UQCRC2: variants seen among roughly 807,000 people sequenced by gnomAD.
UQCRC2 encodes cytochrome b-c1 complex subunit 2, mitochondrial.
A neutral mutation model predicts 55.6 loss-of-function variants in UQCRC2; 49 were observed. That is an observed-to-expected ratio of 0.88 (90% CI 0.70 to 1.12). The LOEUF (loss-of-function observed/expected upper bound fraction) is 1.12. Among genes scored for constraint, UQCRC2 ranks in the 50% most tolerant of loss-of-function variants. UQCRC2 has a pLI of 0.00. For synonymous variants in UQCRC2, 193 were observed against 192.0 expected, an observed-to-expected ratio of 1.01 and a Z score of -0.04; for missense variants, 506 against 547.8, an observed-to-expected ratio of 0.92 and a Z score of 0.76.
At chr16:21,955,858 T>A (rs1016567375) in intron 1 of UQCRC2, among the ~76,000 whole-genome samples, 10 of 152,122 alleles carry the variant, frequency 6.6e-5, no homozygotes, top group African/African-American at 1.9e-4. Context: ...GGAGTTTTGC[T>A]CTTGTTGCCC....
intron 4 of UQCRC2, among the ~76,000 whole-genome samples, chr16:21,961,764 G>A (rs932225966): frequency 4.7e-5 from 7 of 149,768 alleles, no homozygotes. Context: ...CGATTCTCCT[G>A]CCTCAGCCTC....
At chr16:21,978,507 T>A (rs1898638818) in intron 12 of UQCRC2, among the ~76,000 whole-genome samples, 1 of 152,218 alleles carries the variant, frequency 6.6e-6, no homozygotes, top group Non-Finnish European at 1.5e-5. Context: ...AGACCTGTAC[T>A]GCCCTTCCCC....
chr16:21,983,265 C>CT lies in UQCRC2; in HGVS notation c.*100dup. ...CAGAAGTCTCTAATATATCATTTGT[C>CT]TTTTTTCCAGTGAGGTAAAATAAGG... On this transcript the variant is annotated 3_prime_UTR_variant, in exon 14 of 14. Coordinates refer to ENST00000268379, the MANE Select transcript of UQCRC2 (RefSeq NM_003366.4). The CT allele has an allele frequency of 8.6e-7, 1 of 1,164,808 alleles. No homozygotes were observed. Among genetic ancestry groups the CT allele is most frequent in the Non-Finnish European group, 1.2e-6 (1 of 820,166 alleles). The allele number at this position is 1,164,808 out of a possible 1,614,324, so 72.2% of individuals were successfully genotyped here. A position where few individuals can be genotyped will look rare whatever the true frequency, so the allele number is the denominator to read the frequency against.
intron 10 of UQCRC2, among the ~76,000 whole-genome samples, chr16:21,973,578 T>A (rs1412207050): frequency 6.6e-6 from 1 of 152,210 alleles, no homozygotes; most frequent in Non-Finnish European, 1.5e-5. Flanking sequence ...AAAGCCTATC[T>A]ATATTATAAT....
chr16:21,982,983 A>G, intron 13 of UQCRC2, 105 bp from the exon 14 acceptor site: 1 of 960,076 alleles, frequency 1.0e-6, no homozygotes. Context: ...AAAAAAAAAA[A>G]GAATGTCCTA....
intron 3 of UQCRC2, among the ~76,000 whole-genome samples, chr16:21,957,785 G>C (rs1898114461): frequency 6.6e-6 from 1 of 152,184 alleles, no homozygotes; most frequent in African/African-American, 2.4e-5. Flanking sequence ...GATATCAGCA[G>C]GGCTGTGATC....
rs1898779924 is a variant in UQCRC2 at position 21,983,217 on chromosome 16, C to T, written c.*46C>T. 6.4e-7 allele frequency: 1 copy of T among 1,551,974 alleles called. No individual in the cohort carries two copies. Among genetic ancestry groups the T allele is most frequent in the African/African-American group, 1.4e-5 (1 of 73,344 alleles). ...GAGAGAGCTGAACGTTCTCTCAGCC[C>T]AGAGCAGCAAACACATGAAAGTCAG... On this transcript the variant is annotated 3_prime_UTR_variant, in exon 14 of 14. Transcript: ENST00000268379.
At chr16:21,974,120 A>G in intron 11 of UQCRC2, 144 bp downstream of exon 11, 2 of 675,680 alleles carry the variant, frequency 3.0e-6, no homozygotes, top group South Asian at 4.5e-5. Context: ...TCATTGAAGC[A>G]TTATCTGCTA....
chr16:21,955,351 A>C (rs574294304), intron 1 of UQCRC2, among the ~76,000 whole-genome samples: 2 of 152,358 alleles, frequency 1.3e-5, no homozygotes, highest in African/African-American at 4.8e-5. Context: ...CTAGTACAGC[A>C]CTAATGATGT....
intron 11 of UQCRC2, 96 bp from the exon 12 acceptor site, chr16:21,976,071 T>G (rs765371089): frequency 3.9e-6 from 3 of 770,726 alleles, no homozygotes; most frequent in Non-Finnish European, 6.7e-6. Context: ...GGAACTAACC[T>G]TCCATCTGTG....
intron 7 of UQCRC2, among the ~76,000 whole-genome samples, chr16:21,965,902 T>C (rs1898313639): frequency 6.6e-6 from 1 of 152,168 alleles, no homozygotes; most frequent in Non-Finnish European, 1.5e-5. Flanking sequence ...TAGGCTGGTC[T>C]TGAACTCTTA....
Position 21,956,534 on chromosome 16 carries a change from A to C in UQCRC2, c.34-701A>C, listed in dbSNP as rs571456170. Among the ~76,000 whole-genome samples, 4 of 152,166 alleles carry C rather than the reference A, an allele frequency of 2.6e-5. No individual in the cohort carries two copies. In the East Asian group the frequency reaches 7.7e-4, roughly 29 times the overall value. On this transcript the variant is annotated intron_variant, in intron 1 of 13. Coordinates refer to ENST00000268379, the MANE Select transcript of UQCRC2 (RefSeq NM_003366.4). The stretch of plus-strand genomic sequence containing the variant: ...ACTCCAGCGTGGGACACAGAGCACG[A>C]CTCCAACTCAACAAAAAAGGTTGTG...
chr16:21,962,507 G>C lies in UQCRC2; in HGVS notation c.380G>C (p.Arg127Pro). 1 of 1,614,128 alleles carries C rather than the reference G, an allele frequency of 6.2e-7. No individual in the cohort carries two copies. ...ENMAYTVECL[R>P]GDVDILMEFL... ...ATGGCTTATACTGTGGAATGCCTGCGGGGTGATGTGTAAGTACCTGTGTGT... is the reference window on the plus strand; with the variant it reads ...ATGGCTTATACTGTGGAATGCCTGCCGGGTGATGTGTAAGTACCTGTGTGT... Residue 127 changes from arginine to proline, a missense_variant, in exon 5 of 14, where the codon CGG (arginine) becomes CCG (proline). Transcript: ENST00000268379.
At chr16:21,975,580 G>A (rs541586342) in intron 11 of UQCRC2, among the ~76,000 whole-genome samples, 1 of 152,198 alleles carries the variant, frequency 6.6e-6, no homozygotes, top group Admixed American at 6.5e-5. Flanking sequence ...CCACATCCCC[G>A]GAACTTTATT....
In UQCRC2 at chr16:21,976,289, G is replaced by A. The variant is rs375311015; in HGVS notation, c.1124+46G>A. On this transcript the variant is annotated intron_variant, in intron 12 of 13. Transcript: ENST00000268379. ...TGTTTTATGTTTTTGTTATTTGAAA[G>A]TTGTATTCTTTTCAGATTATAACAA... 8.2e-6 allele frequency: 12 copies of A among 1,463,920 alleles called. No individual in the cohort carries two copies. The African/African-American group carries it at 1.5e-4, about 19-fold the overall frequency. The allele number at this position is 1,463,920 out of a possible 1,614,324, so 90.7% of individuals were successfully genotyped here.
At chr16:21,966,280 T>G (rs1035220048) in intron 7 of UQCRC2, among the ~76,000 whole-genome samples, 9 of 152,194 alleles carry the variant, frequency 5.9e-5, no homozygotes, top group African/African-American at 1.9e-4. Context: ...TGTTCCATCC[T>G]CGCTCACTCA....
At chr16:21,968,605 A>G in intron 7 of UQCRC2, 23 bp from the exon 8 acceptor site, 10 of 1,587,962 alleles carry the variant, frequency 6.3e-6, no homozygotes, top group Non-Finnish European at 7.7e-6. Flanking sequence ...ATATAACCTA[A>G]TAAGTGTTTT....
chr16:21,980,769 T>C, intron 13 of UQCRC2, 69 bp downstream of exon 13: 1 of 1,549,400 alleles, frequency 6.5e-7, no homozygotes, highest in Non-Finnish European at 8.8e-7. Context: ...TTCAGAAGGA[T>C]GCATAAGCGT....
chr16:21,980,686 G>A lies in UQCRC2; in HGVS notation c.1264G>A (p.Ala422Thr). The change falls in exon 13 of 14, where the codon GCT (alanine) becomes ACT (threonine). Residue 422 changes from alanine to threonine, a missense_variant. Transcript: ENST00000268379. ...TCAGCAGATTGATTCAGTGGCTAATGCTGATATCATAAATGTAAGTAAATG... is the reference window on the plus strand; with the variant it reads ...TCAGCAGATTGATTCAGTGGCTAATACTGATATCATAAATGTAAGTAAATG... ...VLQQIDSVANADIINAAKKFV... is the reference protein window; with the variant it reads ...VLQQIDSVANTDIINAAKKFV... 2 of 1,613,408 alleles carry A rather than the reference G, an allele frequency of 1.2e-6. No homozygotes were observed. The highest frequency in any genetic ancestry group is 1.7e-6 in the Non-Finnish European group (2 of 1,179,834).
Sources: allele counts gnomAD v4.1 joint callset (sites outside exome capture counted in the v4.1 genomes callset), GRCh38; gene constraint gnomAD v4.1.1; transcripts MANE v1.5; gene names NCBI Gene and HGNC (gene_info 2026-07-23, HGNC 2026-07-21).